The following FKBP11 variants were observed in gnomAD, a reference collection of about 807,000 sequenced individuals.
FKBP11 encodes the protein FKBP prolyl isomerase 11.
Under a neutral mutation model 24.7 loss-of-function variants are expected in FKBP11, and 21 were observed. The ratio of observed to expected loss-of-function variants is 0.85; its 90% CI spans 0.60 to 1.23. The LOEUF (loss-of-function observed/expected upper bound fraction) is 1.23, where lower values mean the gene tolerates loss of function less well. FKBP11 is among the 50% of genes most tolerant of loss of function. The pLI is 0.00. For missense variants in FKBP11, 245 were observed against 248.7 expected, an observed-to-expected ratio of 0.99 and a Z score of 0.10; for synonymous variants, 106 against 100.6, an observed-to-expected ratio of 1.05 and a Z score of -0.32.
At chr12:48,931,061 G>A (rs1287568215), upstream of FKBP11, among the ~76,000 whole-genome samples, 3 of 145,774 alleles carry the variant, frequency 2.1e-5, no homozygotes, top group African/African-American at 5.0e-5. Context: ...CCCAGGAGGC[G>A]GAGCTTGCAG....
chr12:48,928,775 G>C (rs1170545569), upstream of FKBP11, among the ~76,000 whole-genome samples: 1 of 149,264 alleles, frequency 6.7e-6, no homozygotes, highest in Non-Finnish European at 1.5e-5. Context: ...CACCATGCAC[G>C]GCCCCCAGAC....
chr12:48,928,113 T>G (rs1190587465), upstream of FKBP11, among the ~76,000 whole-genome samples: 2 of 146,910 alleles, frequency 1.4e-5, no homozygotes, highest in Non-Finnish European at 3.0e-5. Flanking sequence ...TGTGTAATCT[T>G]GGCTCACTGC....
At chr12:48,923,231 G>A (rs1426393483) in intron 5 of FKBP11, 18 of 1,305,544 alleles carry the variant, frequency 1.4e-5, no homozygotes, top group Non-Finnish European at 1.8e-5. Context: ...AGAACTGAAA[G>A]CAAAAGATAT....
intron 5 of FKBP11, 157 bp downstream of exon 5, chr12:48,923,624 GA>G: frequency 6.4e-7 from 1 of 1,557,898 alleles, no homozygotes; most frequent in Non-Finnish European, 8.7e-7. Flanking sequence ...ATATGAGGAG[GA>G]AAAAGGTGGC....
the FKBP11 span, chr12:48,938,531 G>C: frequency 1.8e-5 from 8 of 454,066 alleles, no homozygotes; most frequent in Non-Finnish European, 3.5e-5. Context: ...ATGTAAAACA[G>C]GGAGAGGGTG....
Position 48,924,600 on chromosome 12 carries a change from G to T in FKBP11, c.244C>A (p.Pro82Thr). 1 of 1,613,998 alleles carries T rather than the reference G, an allele frequency of 6.2e-7. No individual in the cohort carries two copies. Among genetic ancestry groups the T allele is most frequent in the South Asian group, 1.1e-5 (1 of 91,084 alleles). ...RIIDTSLTRD[P>T]LVIELGQKQV... ...TTTTGGCCAAGTTCTATAACCAGAGGGTCTCTGGTCAGGGAGGTGTCAATA... is the reference window on the plus strand; with the variant it reads ...TTTTGGCCAAGTTCTATAACCAGAGTGTCTCTGGTCAGGGAGGTGTCAATA... The change falls in exon 3 of 6, where the codon CCT becomes ACT. Residue 82 changes from proline (P) to threonine (T), a missense_variant. Coordinates refer to ENST00000550765, the MANE Select transcript of FKBP11 (RefSeq NM_016594.3).
chr12:48,925,171 A>G (rs1939933250), intron 1 of FKBP11, 60 bp from the exon 2 acceptor site: 1 of 1,595,776 alleles, frequency 6.3e-7, no homozygotes, highest in African/African-American at 1.3e-5. Context: ...TCGCCCCTAG[A>G]CCCGGCACCA....
chr12:48,924,989 G>GT, intron 2 of FKBP11, 57 bp downstream of exon 2: 1 of 1,566,762 alleles, frequency 6.4e-7, no homozygotes. Flanking sequence ...AAGCTGACGT[G>GT]TTTCAGCAGG....
At chr12:48,925,160 C>T in intron 1 of FKBP11, 49 bp from the exon 2 acceptor site, 2 of 1,604,878 alleles carry the variant, frequency 1.2e-6, no homozygotes, top group Non-Finnish European at 1.7e-6. Flanking sequence ...AGATCCCGTT[C>T]TCGCCCCTAG....
the FKBP11 span, among the ~76,000 whole-genome samples, chr12:48,934,589 A>G: frequency 6.6e-6 from 1 of 152,184 alleles, no homozygotes; most frequent in Admixed American, 6.5e-5. Flanking sequence ...ACAGATGGGA[A>G]TAGGTCATCC....
At chr12:48,926,334 T>C (rs1050109741), upstream of FKBP11, 2 of 145,006 alleles carry the variant, frequency 1.4e-5, no homozygotes, top group Non-Finnish European at 3.0e-5. Context: ...GTTCAAGCGA[T>C]TCTCCTGCCT....
chr12:48,925,769 A>G, upstream of FKBP11: 1 of 302,758 alleles, frequency 3.3e-6, no homozygotes. Context: ...AACCACCCTG[A>G]AAGGTCGGCA....
chr12:48,934,520 C>A, the FKBP11 span, among the ~76,000 whole-genome samples: 1 of 152,194 alleles, frequency 6.6e-6, no homozygotes, highest in African/African-American at 2.4e-5. Context: ...GCTTCAGCAA[C>A]TGCCACAAGA....
At chr12:48,933,882 C>A in the FKBP11 span, among the ~76,000 whole-genome samples, 6 of 151,562 alleles carry the variant, frequency 4.0e-5, no homozygotes, top group Non-Finnish European at 8.8e-5. Flanking sequence ...AAAAGCTTTT[C>A]TTAATAATAT....
chr12:48,932,255 ATATATATTTTT>A, the FKBP11 span, among the ~76,000 whole-genome samples: 3 of 37,592 alleles, frequency 8.0e-5, no homozygotes, highest in African/African-American at 2.1e-4. Context: ...ATATATATAT[ATATATATTTTT>A]TTTTTTTTTT....
upstream of FKBP11, among the ~76,000 whole-genome samples, chr12:48,930,634 A>G (rs535425043): frequency 6.6e-6 from 1 of 152,312 alleles, no homozygotes; most frequent in South Asian, 2.1e-4. Flanking sequence ...AAAACTATAA[A>G]AGTCCTTGTA....
rs766118072 is a variant in FKBP11, at chr12:48,922,091, C to T, written c.499G>A (p.Ala167Thr). 1 of 1,614,162 alleles carries T rather than the reference C, an allele frequency of 6.2e-7. No individual in the cohort carries two copies. The highest frequency in any genetic ancestry group is 2.2e-5 in the East Asian group (1 of 44,884). ...LPLVGMAMVP[A>T]LLGLIGYHLY... ...TGATACCCAATGAGGCCCAGGAGGG[C>T]TGGCACCATGGCCATCCCTACCAGA... The change falls in exon 6 of 6, where the codon GCC (alanine) becomes ACC (threonine). Residue 167 changes from alanine to threonine, a missense_variant. Physicochemically the swap from Ala to Thr is moderately conservative, Grantham distance 58. Transcript: ENST00000550765.
upstream of FKBP11, among the ~76,000 whole-genome samples, chr12:48,930,578 T>C (rs938869933): frequency 1.7e-4 from 26 of 151,494 alleles, no homozygotes; most frequent in African/African-American, 5.3e-4. Context: ...GAGTGGGAGG[T>C]GTTAAATGAG....
At chr12:48,935,958 C>T in the FKBP11 span, 1 of 152,240 alleles carries the variant, frequency 6.6e-6, no homozygotes, top group Non-Finnish European at 1.5e-5. Context: ...AGGAAAGTCA[C>T]GAAGCCCTCA....
Sources: gnomAD v4.1 joint callset for allele counts (sites outside exome capture counted in the v4.1 genomes callset) on GRCh38, gnomAD v4.1.1 for gene constraint, MANE v1.5 for transcripts, NCBI Gene and HGNC (gene_info 2026-07-23, HGNC 2026-07-21) for gene names.